Variants in TMEM219 observed in about 807,000 individuals in gnomAD.
TMEM219 encodes insulin-like growth factor-binding protein 3 receptor.
In TMEM219, 18 loss-of-function variants were observed where a neutral mutation model predicts 17.9. That is an observed-to-expected ratio of 1.01 (90% CI 0.70 to 1.49). The LOEUF (loss-of-function observed/expected upper bound fraction) is 1.49. TMEM219 is among the 40% of genes most tolerant of loss of function. The pLI is 0.00. For missense variants in TMEM219, 288 were observed against 292.4 expected, an observed-to-expected ratio of 0.99 and a Z score of 0.11; for synonymous variants, 113 against 124.0, an observed-to-expected ratio of 0.91 and a Z score of 0.59.
At position 29,971,486 on chromosome 16, in the gene TMEM219, G is replaced by A; in HGVS notation, c.664G>A (p.Val222Ile). Residue 222 changes from valine to isoleucine, a missense_variant, in exon 5 of 6, where the codon GTC (valine) becomes ATC (isoleucine). Transcript: ENST00000279396. ...TCTCTTCTGTGGCCTTCTCTGCTGT[G>A]TCACTGCTATGTGCTTCCACCCGCG... ...LLLFCGLLCC[V>I]TAMCFHPRRE... 3.1e-6 allele frequency: 5 copies of A among 1,614,074 alleles called. No homozygotes were observed. The highest frequency in any genetic ancestry group is 4.2e-6 in the Non-Finnish European group (5 of 1,180,028).
intron 3 of TMEM219, 49 bp from the exon 4 acceptor site, chr16:29,967,976 C>A: frequency 2.8e-6 from 4 of 1,416,902 alleles, no homozygotes; most frequent in Non-Finnish European, 4.0e-6. Context: ...ACAGAGGCTC[C>A]CGCGTCACCT....
intron 3 of TMEM219, among the ~76,000 whole-genome samples, chr16:29,965,635 G>GT (rs1468072758): frequency 6.6e-6 from 1 of 151,818 alleles, no homozygotes; most frequent in Non-Finnish European, 1.5e-5. Flanking sequence ...GGAGGCTAAG[G>GT]TGGGAGGATT....
At chr16:29,969,748 A>G (rs935681096) in intron 4 of TMEM219, among the ~76,000 whole-genome samples, 1 of 152,096 alleles carries the variant, frequency 6.6e-6, no homozygotes, top group African/African-American at 2.4e-5. Flanking sequence ...GGAAGGAGAA[A>G]AGGCAAGAGA....
chr16:29,968,031 C>G lies in TMEM219; in HGVS notation c.362C>G (p.Ser121Cys), dbSNP rs1452172018. The G allele has an allele frequency of 5.0e-6, 8 of 1,613,450 alleles. No homozygotes were observed. In the South Asian group the frequency reaches 7.7e-5, roughly 15 times the overall value. ...TCTTCTGTGCCTTTCACAGGATCTT[C>G]TGCAGGACAACTGGTCCTTATCACA... Reference protein sequence around the residue: ...LGSQMGLKGSSAGQLVLITAR... With the variant: ...LGSQMGLKGSCAGQLVLITAR... The change falls in exon 4 of 6, where the codon TCT becomes TGT. Residue 121 changes from serine to cysteine, a missense_variant. By Grantham distance (112) the Ser-to-Cys change is moderately radical. Transcript: ENST00000279396.
At chr16:29,970,904 A>G (rs1455085587) in intron 4 of TMEM219, among the ~76,000 whole-genome samples, 2 of 149,912 alleles carry the variant, frequency 1.3e-5, no homozygotes, top group Non-Finnish European at 3.0e-5. Context: ...AGATTGCACT[A>G]CTGCACTCCA....
Position 29,965,895 on chromosome 16 carries a change from C to G in TMEM219, c.356-2130C>G, listed in dbSNP as rs1277022047. ...GGGATTACAGGCATGTGGCACCATG[C>G]CCAGCTAATTTTTGTATTTTTAGTA... On this transcript the variant is annotated intron_variant, in intron 3 of 5. Coordinates refer to ENST00000279396, the MANE Select transcript of TMEM219 (RefSeq NM_001083613.2). Among the ~76,000 whole-genome samples the G allele has an allele frequency of 2.0e-5, 3 of 152,094 alleles. No individual in the cohort carries two copies. The East Asian group carries it at 5.8e-4, about 29-fold the overall frequency.
At chr16:29,967,138 C>T (rs571445769) in intron 3 of TMEM219, among the ~76,000 whole-genome samples, 11 of 152,018 alleles carry the variant, frequency 7.2e-5, no homozygotes, top group Admixed American at 1.3e-4. Flanking sequence ...TGCAGCCTTG[C>T]GAGTATTAGT....
chr16:29,963,365 C>T (rs2069171471), intron 2 of TMEM219, 35 bp from the exon 3 acceptor site: 5 of 1,613,622 alleles, frequency 3.1e-6, no homozygotes, highest in East Asian at 2.2e-5. Context: ...GCTTTTGCTG[C>T]TAATCTCATC....
At chr16:29,962,872 T>G (rs1420546433) in intron 1 of TMEM219, 3 of 470,640 alleles carry the variant, frequency 6.4e-6, no homozygotes, top group Non-Finnish European at 1.2e-5. Context: ...AGTTTCCTTC[T>G]TCCAGCACGG....
chr16:29,968,225 G>A lies in TMEM219; in HGVS notation c.556G>A (p.Gly186Ser), dbSNP rs2069239507. ...EECVSVWSHE[G>S]LVLTKLLTSE... ...ATGTGTTAGTGTCTGGAGCCATGAA[G>A]GCCTTGTGCTGACCAAGCTGCTCAC... Residue 186 changes from glycine (G) to serine (S), a missense_variant, in exon 4 of 6, where the codon GGC (glycine) becomes AGC (serine). Physicochemically the swap from Gly to Ser is moderately conservative, Grantham distance 56. Transcript: ENST00000279396. 1.2e-6 allele frequency: 2 copies of A among 1,613,986 alleles called. No individual in the cohort carries two copies. Among genetic ancestry groups the A allele is most frequent in the Admixed American group, 3.3e-5 (2 of 60,004 alleles).
chr16:29,967,737 CTA>C (rs2069229829), intron 3 of TMEM219, among the ~76,000 whole-genome samples: 4 of 152,072 alleles, frequency 2.6e-5, no homozygotes, highest in South Asian at 2.1e-4. Context: ...ACCATCCTGG[CTA>C]CCACAGTGAA....
In TMEM219 at chr16:29,971,425, T is replaced by A; in HGVS notation, c.603T>A (p.Cys201Ter). 1 of 1,614,180 alleles carries A rather than the reference T, an allele frequency of 6.2e-7. No individual in the cohort carries two copies. The highest frequency in any genetic ancestry group is 8.5e-7 in the Non-Finnish European group (1 of 1,180,026). Residue 201 changes from cysteine to a stop codon, truncating the protein, a stop_gained, in exon 5 of 6, where the codon TGT (cysteine) becomes TGA (stop). Transcript: ENST00000279396. LOFTEE classifies it high-confidence loss of function. ...KLLTSEELAL[C>*]GSRLLVLGSF... is the part of the protein sequence containing the mutation. ...CTCCCTAGGAGGAGCTGGCTCTGTGTGGCTCCAGGCTGCTGGTCTTGGGCT... is the reference window on the plus strand; with the variant it reads ...CTCCCTAGGAGGAGCTGGCTCTGTGAGGCTCCAGGCTGCTGGTCTTGGGCT...
Position 29,967,978 on chromosome 16 carries a change from G to A in TMEM219, c.356-47G>A, listed in dbSNP as rs772533660. 2.0e-5 allele frequency: 28 copies of A among 1,389,094 alleles called. No homozygotes were observed. The East Asian group carries it at 3.9e-4, about 19-fold the overall frequency. 86.0% of individuals were successfully genotyped at this position (1,389,094 alleles called of 1,614,324 possible). On this transcript the variant is annotated intron_variant, in intron 3 of 5. Coordinates refer to ENST00000279396, the MANE Select transcript of TMEM219 (RefSeq NM_001083613.2). ...AAGAAGCGTGAAGACAGAGGCTCCCGCGTCACCTCTCATTTTCTTCCATTT... is the reference window on the plus strand; with the variant it reads ...AAGAAGCGTGAAGACAGAGGCTCCCACGTCACCTCTCATTTTCTTCCATTT...
chr16:29,965,491 G>C (rs541480445), intron 3 of TMEM219, among the ~76,000 whole-genome samples: 2 of 151,150 alleles, frequency 1.3e-5, no homozygotes, highest in African/African-American at 4.9e-5. Context: ...GGCCAAGGCA[G>C]GCAGATTGCT....
At chr16:29,968,412 T>C (rs769756959) in intron 4 of TMEM219, 158 bp downstream of exon 4, 14 of 594,052 alleles carry the variant, frequency 2.4e-5, no homozygotes, top group Non-Finnish European at 4.2e-5. Context: ...TAAACATCTC[T>C]GAGTGTCAGC....
chr16:29,972,393 T>TC (rs2069308945), intron 5 of TMEM219, among the ~76,000 whole-genome samples: 1 of 152,194 alleles, frequency 6.6e-6, no homozygotes. Flanking sequence ...GTTAACAAGA[T>TC]CTTTGGAGGG....
chr16:29,968,053 C>G lies in TMEM219; in HGVS notation c.384C>G (p.Ile128Met). The G allele has an allele frequency of 6.2e-7, 1 of 1,614,146 alleles. No homozygotes were observed. The highest frequency in any genetic ancestry group is 1.1e-5 in the South Asian group (1 of 91,090). ...KGSSAGQLVL[I>M]TARVTTERTA... ...CTTCTGCAGGACAACTGGTCCTTATCACAGCCAGGGTGACCACAGAAAGGA... is the reference window on the plus strand; with the variant it reads ...CTTCTGCAGGACAACTGGTCCTTATGACAGCCAGGGTGACCACAGAAAGGA... Residue 128 changes from isoleucine to methionine, a missense_variant, in exon 4 of 6, where the codon ATC becomes ATG. By Grantham distance (10) the Ile-to-Met change is conservative (BLOSUM62 1). Coordinates refer to ENST00000279396, the MANE Select transcript of TMEM219 (RefSeq NM_001083613.2).
At chr16:29,972,512 A>AG (rs1289935084) in intron 5 of TMEM219, among the ~76,000 whole-genome samples, 3 of 152,184 alleles carry the variant, frequency 2.0e-5, no homozygotes, top group East Asian at 1.9e-4. Flanking sequence ...CACTTGTCAG[A>AG]GGGGGGTGCA....
At chr16:29,963,353 A>G (rs763331278) in intron 2 of TMEM219, 45 bp downstream of exon 2, 3 of 1,613,616 alleles carry the variant, frequency 1.9e-6, no homozygotes, top group South Asian at 1.1e-5. Context: ...CAACCTAGAC[A>G]GGCTTTTGCT....
Sources: allele counts gnomAD v4.1 joint callset (sites outside exome capture counted in the v4.1 genomes callset), GRCh38; gene constraint gnomAD v4.1.1; transcripts MANE v1.5; gene names NCBI Gene and HGNC (gene_info 2026-07-23, HGNC 2026-07-21).